The following STK3 variants were observed in gnomAD, a reference collection of about 807,000 sequenced individuals.
The protein encoded by STK3 is serine/threonine kinase 3.
STK3 carries 41 observed loss-of-function variants against 58.0 expected under a neutral mutation model. The ratio of observed to expected loss-of-function variants is 0.71; its 90% CI spans 0.55 to 0.92. STK3 has a LOEUF of 0.92. Among genes scored for constraint, STK3 ranks in the 40% least tolerant of loss-of-function variants. The pLI, the probability that STK3 is intolerant of heterozygous loss-of-function variation, is 0.00. For synonymous variants in STK3, 170 were observed against 191.0 expected, an observed-to-expected ratio of 0.89 and a Z score of 0.91; for missense variants, 479 against 602.7, an observed-to-expected ratio of 0.79 and a Z score of 2.15.
chr8:98,560,977 G>A (rs1449857341), intron 8 of STK3, among the ~76,000 whole-genome samples: 1 of 152,076 alleles, frequency 6.6e-6, no homozygotes, highest in Non-Finnish European at 1.5e-5. Flanking sequence ...AGGCTGCAGT[G>A]AGCCGTGATT....
intron 10 of STK3, among the ~76,000 whole-genome samples, chr8:98,490,726 C>T (rs1822620979): frequency 6.6e-6 from 1 of 152,200 alleles, no homozygotes; most frequent in Admixed American, 6.5e-5. Flanking sequence ...TTGAAAAAAA[C>T]CAACTGCAAG....
intron 1 of STK3, chr8:98,905,519 G>T: frequency 9.1e-7 from 1 of 1,101,194 alleles, no homozygotes; most frequent in Non-Finnish European, 1.4e-6. Context: ...AGTTGTGTAT[G>T]GTATCCTCAG....
chr8:98,728,198 T>C (rs1351857798), intron 4 of STK3, among the ~76,000 whole-genome samples: 1 of 152,074 alleles, frequency 6.6e-6, no homozygotes, highest in South Asian at 2.1e-4. Flanking sequence ...CCCTCACAAA[T>C]CTATTTCATT....
intron 10 of STK3, among the ~76,000 whole-genome samples, chr8:98,500,191 AAAAG>A (rs1176660587): frequency 2.0e-5 from 3 of 152,118 alleles, no homozygotes; most frequent in African/African-American, 7.2e-5. Flanking sequence ...AAAGAAAACA[AAAAG>A]AAACAGATAA....
chr8:98,892,797 C>A (rs993838837), intron 1 of STK3, among the ~76,000 whole-genome samples: 1 of 152,200 alleles, frequency 6.6e-6, no homozygotes, highest in Admixed American at 6.5e-5. Context: ...CAGGACCTAG[C>A]AAATACTTGT....
At position 98,767,412 on chromosome 8, in the gene STK3, C is replaced by T. The variant is rs376344126; in HGVS notation, c.108-41G>A. ...ACATTATTTTTTTCCTATCAAACAT[C>T]GTAACTATAAGATTAAAAGTCTACT... On this transcript the variant is annotated intron_variant, in intron 2 of 10. Coordinates refer to ENST00000419617, the MANE Select transcript of STK3 (RefSeq NM_006281.4). The T allele has an allele frequency of 1.2e-5, 18 of 1,531,590 alleles. No individual in the cohort carries two copies. The Middle Eastern group carries it at 5.1e-4, about 43-fold the overall frequency. 94.9% of individuals were successfully genotyped at this position (1,531,590 alleles called of 1,614,324 possible). A position where few individuals can be genotyped will look rare whatever the true frequency, so the allele number is the denominator to read the frequency against.
intron 3 of STK3, among the ~76,000 whole-genome samples, chr8:98,838,322 A>G (rs543454597): frequency 1.3e-5 from 2 of 152,272 alleles, no homozygotes; most frequent in East Asian, 3.9e-4. Context: ...TTCTTTATAT[A>G]TTTTTGATCT....
chr8:98,348,711 T>G, the STK3 span, among the ~76,000 whole-genome samples: 1 of 152,274 alleles, frequency 6.6e-6, no homozygotes, highest in African/African-American at 2.4e-5. Context: ...AAAACAGCAA[T>G]GAGACATTGA....
At chr8:98,610,400 T>C (rs1405495025) in intron 6 of STK3, among the ~76,000 whole-genome samples, 1 of 152,232 alleles carries the variant, frequency 6.6e-6, no homozygotes, top group Non-Finnish European at 1.5e-5. Flanking sequence ...CAGAATATTA[T>C]ATGCAATACT....
intron 6 of STK3, among the ~76,000 whole-genome samples, chr8:98,695,118 T>C (rs941545439): frequency 3.3e-5 from 5 of 152,274 alleles, no homozygotes; most frequent in African/African-American, 7.2e-5. Flanking sequence ...TGAGCATTTT[T>C]TCATGTGTTC....
At chr8:98,414,579 A>G (rs1307666083) in intron 3 of STK3, among the ~76,000 whole-genome samples, 2 of 152,236 alleles carry the variant, frequency 1.3e-5, no homozygotes, top group South Asian at 2.1e-4. Context: ...TTGCTAAAGC[A>G]TACTCAAATC....
intron 6 of STK3, among the ~76,000 whole-genome samples, chr8:98,671,296 T>C (rs1261544768): frequency 2.0e-5 from 3 of 152,064 alleles, no homozygotes; most frequent in African/African-American, 7.2e-5. Context: ...CACCCAGAAC[T>C]ATTGTCTGAA....
chr8:98,602,043 A>G (rs1384071785), intron 6 of STK3: 1 of 152,202 alleles, frequency 6.6e-6, no homozygotes, highest in African/African-American at 2.4e-5. Flanking sequence ...ATGGAGAACC[A>G]CTATTCTAAA....
At chr8:98,406,582 A>G (rs1036740447) in intron 3 of STK3, among the ~76,000 whole-genome samples, 9 of 152,232 alleles carry the variant, frequency 5.9e-5, no homozygotes, top group Admixed American at 1.3e-4. Flanking sequence ...TATGAAGGAC[A>G]TAGATTTCCT....
intron 10 of STK3, among the ~76,000 whole-genome samples, chr8:98,468,998 ACTC>A (rs1820697795): frequency 6.6e-6 from 1 of 151,930 alleles, no homozygotes; most frequent in South Asian, 2.1e-4. Flanking sequence ...AGTCCCAGCT[ACTC>A]GGGAGGCTGA....
chr8:98,719,516 A>G (rs1192779974), intron 4 of STK3, among the ~76,000 whole-genome samples: 1 of 152,186 alleles, frequency 6.6e-6, no homozygotes, highest in Non-Finnish European at 1.5e-5. Context: ...CCACTGGACA[A>G]ATCCACAGCA....
intron 3 of STK3, among the ~76,000 whole-genome samples, chr8:98,760,262 T>A (rs1324802650): frequency 2.0e-5 from 3 of 152,100 alleles, no homozygotes; most frequent in African/African-American, 7.2e-5. Flanking sequence ...CCACCTCAGC[T>A]TCCCAAGTAA....
intron 3 of STK3, among the ~76,000 whole-genome samples, chr8:98,401,704 T>C (rs1817945818): frequency 6.6e-6 from 1 of 152,154 alleles, no homozygotes; most frequent in Non-Finnish European, 1.5e-5. Context: ...CACATGGGAT[T>C]TTGTCAACTT....
intron 10 of STK3, among the ~76,000 whole-genome samples, chr8:98,494,860 G>GA (rs372178107): frequency 1.4e-3 from 210 of 152,094 alleles, no homozygotes; most frequent in African/African-American, 5.0e-3. Flanking sequence ...AGAACAGCAG[G>GA]AAAAAACTGG....
Sources: allele counts gnomAD v4.1 joint callset (sites outside exome capture counted in the v4.1 genomes callset), GRCh38; gene constraint gnomAD v4.1.1; transcripts MANE v1.5; gene names NCBI Gene and HGNC (gene_info 2026-07-23, HGNC 2026-07-21).